NTM: variants seen among roughly 807,000 people sequenced by gnomAD.
The protein encoded by NTM is neurotrimin.
A neutral mutation model predicts 42.1 loss-of-function variants in NTM; 13 were observed. The ratio of observed to expected loss-of-function variants is 0.31; its 90% CI spans 0.20 to 0.49. The LOEUF is 0.49. NTM is among the 20% of genes least tolerant of loss of function. The pLI is 0.99. For missense variants in NTM, 373 were observed against 452.8 expected, an observed-to-expected ratio of 0.82 and a Z score of 1.60; for synonymous variants, 187 against 179.2, an observed-to-expected ratio of 1.04 and a Z score of -0.35.
intron 2 of NTM, among the ~76,000 whole-genome samples, chr11:131,986,994 G>A (rs1593429040): frequency 6.6e-6 from 1 of 152,290 alleles, no homozygotes; most frequent in South Asian, 2.1e-4. Context: ...GATGAAAGGG[G>A]AAAGAAGGGA....
At chr11:131,698,529 G>C (rs979592995) in intron 1 of NTM, among the ~76,000 whole-genome samples, 1 of 152,148 alleles carries the variant, frequency 6.6e-6, no homozygotes, top group Non-Finnish European at 1.5e-5. Context: ...CCATTTTACA[G>C]ATGAGGGAAT....
At chr11:131,682,577 G>A (rs2073140311) in intron 1 of NTM, among the ~76,000 whole-genome samples, 1 of 152,208 alleles carries the variant, frequency 6.6e-6, no homozygotes, top group South Asian at 2.1e-4. Context: ...GAGCCTGCCG[G>A]CCTTAAACCC....
intron 1 of NTM, among the ~76,000 whole-genome samples, chr11:131,811,282 G>T (rs1276490177): frequency 6.6e-6 from 1 of 152,154 alleles, no homozygotes; most frequent in Non-Finnish European, 1.5e-5. Context: ...CCTCATAGCA[G>T]AACAAAGGAT....
chr11:131,733,724 TGGG>T (rs529462158), intron 1 of NTM, among the ~76,000 whole-genome samples: 1 of 151,878 alleles, frequency 6.6e-6, no homozygotes. Flanking sequence ...TTAGTAGAGA[TGGG>T]GGGGTTTGCC....
At chr11:132,301,180 G>A (rs1004681944) in intron 4 of NTM, among the ~76,000 whole-genome samples, 1 of 152,182 alleles carries the variant, frequency 6.6e-6, no homozygotes, top group Non-Finnish European at 1.5e-5. Context: ...AAATAAACAC[G>A]TCCTTCTTCA....
intron 1 of NTM, among the ~76,000 whole-genome samples, chr11:131,893,860 C>G (rs1240358035): frequency 6.6e-6 from 1 of 152,138 alleles, no homozygotes; most frequent in Non-Finnish European, 1.5e-5. Context: ...CTTCATCTCT[C>G]ACACCATCAC....
At chr11:131,815,648 G>C (rs146575194) in intron 1 of NTM, among the ~76,000 whole-genome samples, 2 of 151,944 alleles carry the variant, frequency 1.3e-5, no homozygotes, top group Admixed American at 6.6e-5. Flanking sequence ...TGCTGCCCGC[G>C]CCTCTCCCCC....
chr11:132,088,777 G>A (rs995505887), intron 2 of NTM, among the ~76,000 whole-genome samples: 3 of 152,190 alleles, frequency 2.0e-5, no homozygotes, highest in African/African-American at 7.2e-5. Flanking sequence ...ACTTGTGTGG[G>A]TCAGAGGTTC....
At chr11:132,074,636 A>G (rs1360057422) in intron 2 of NTM, among the ~76,000 whole-genome samples, 1 of 152,188 alleles carries the variant, frequency 6.6e-6, no homozygotes, top group Admixed American at 6.5e-5. Context: ...AAACATTGCA[A>G]CACTGTTCGC....
At chr11:131,849,373 G>C (rs1224934032) in intron 1 of NTM, among the ~76,000 whole-genome samples, 2 of 152,114 alleles carry the variant, frequency 1.3e-5, no homozygotes, top group Non-Finnish European at 2.9e-5. Context: ...TGGCTTCTGG[G>C]TTAGCCTCAA....
At chr11:131,517,907 C>A (rs1165493265) in intron 1 of NTM, among the ~76,000 whole-genome samples, 9 of 152,184 alleles carry the variant, frequency 5.9e-5, no homozygotes, top group Admixed American at 5.9e-4. Context: ...ATCAGCTTAG[C>A]CATTCAACTT....
At chr11:131,420,769 G>A (rs1035575343) in intron 1 of NTM, among the ~76,000 whole-genome samples, 11 of 152,132 alleles carry the variant, frequency 7.2e-5, no homozygotes, top group African/African-American at 2.4e-4. Flanking sequence ...AACAAAAAAT[G>A]CATTTGTTTT....
At chr11:131,633,726 TCTCTCTCTCTCC>T (rs2063978810) in intron 1 of NTM, among the ~76,000 whole-genome samples, 1 of 62,150 alleles carries the variant, frequency 1.6e-5, no homozygotes, top group Non-Finnish European at 3.1e-5. Context: ...TCCCTCTCTC[TCTCTCTCTCTCC>T]CTCCCTCTCT....
intron 2 of NTM, among the ~76,000 whole-genome samples, chr11:131,996,207 C>T (rs891233788): frequency 6.6e-6 from 1 of 152,056 alleles, no homozygotes; most frequent in Non-Finnish European, 1.5e-5. Context: ...GTTTTAAGTA[C>T]AGGATGCTAA....
intron 2 of NTM, among the ~76,000 whole-genome samples, chr11:131,915,349 G>A (rs1427477217): frequency 6.6e-6 from 1 of 152,114 alleles, no homozygotes; most frequent in African/African-American, 2.4e-5. Flanking sequence ...CTGTTTTCCA[G>A]TGTTATCTCT....
chr11:131,615,464 C>T (rs1333679277), intron 1 of NTM, among the ~76,000 whole-genome samples: 1 of 152,138 alleles, frequency 6.6e-6, no homozygotes, highest in African/African-American at 2.4e-5. Context: ...CTCCCAGGTT[C>T]AAACAATTAT....
intron 1 of NTM, among the ~76,000 whole-genome samples, chr11:131,625,811 A>G (rs2137708401): frequency 6.6e-6 from 1 of 152,270 alleles, no homozygotes; most frequent in East Asian, 1.9e-4. Context: ...GAGTGAGATC[A>G]CAGAGATTCT....
intron 1 of NTM, among the ~76,000 whole-genome samples, chr11:131,786,522 C>T (rs2089254517): frequency 6.6e-6 from 1 of 152,052 alleles, no homozygotes; most frequent in Non-Finnish European, 1.5e-5. Flanking sequence ...TATTTAATGA[C>T]CCAGATGATT....
At chr11:131,654,587 G>A (rs576198740) in intron 1 of NTM, among the ~76,000 whole-genome samples, 2 of 152,220 alleles carry the variant, frequency 1.3e-5, no homozygotes, top group Non-Finnish European at 2.9e-5. Context: ...CAAGGTTGGA[G>A]GTGAGGCCTG....
Sources: gnomAD v4.1 joint callset for allele counts (sites outside exome capture counted in the v4.1 genomes callset) on GRCh38, gnomAD v4.1.1 for gene constraint, MANE v1.5 for transcripts, NCBI Gene and HGNC (gene_info 2026-07-23, HGNC 2026-07-21) for gene names.